The following RNF150 variants were observed in gnomAD, a reference collection of about 807,000 sequenced individuals.
RNF150 encodes ring finger protein 150.
Under a neutral mutation model 39.3 loss-of-function variants are expected in RNF150, and 24 were observed. The ratio of observed to expected loss-of-function variants is 0.61; its 90% CI spans 0.44 to 0.86. The LOEUF (loss-of-function observed/expected upper bound fraction) is 0.86. Ranked by LOEUF, RNF150 falls within the 40% of genes least tolerant of loss-of-function variation. The pLI, the probability that RNF150 is intolerant of heterozygous loss-of-function variation, is 0.00. For missense variants in RNF150, 502 were observed against 587.8 expected (o/e 0.85, Z 1.51); for synonymous variants, 255 against 227.3 (o/e 1.12, Z -1.10).
At position 141,085,073 on chromosome 4, in the gene RNF150, T is replaced by C. The variant is rs76750562; in HGVS notation, c.484+47252A>G. Among the ~76,000 whole-genome samples, 190 of 152,252 alleles carry C rather than the reference T, an allele frequency of 1.2e-3. 2 individuals carry two copies. In the East Asian group the frequency reaches 0.018, roughly 14 times the overall value. The stretch of plus-strand genomic sequence containing the variant: ...TGAAGAAATACCCGAGACTGGGTAA[T>C]TTATAAAGAAAAAGAGGTTTAATGG... On this transcript the variant is annotated intron_variant, in intron 1 of 6. Transcript: ENST00000515673.
intron 1 of RNF150, among the ~76,000 whole-genome samples, chr4:141,070,220 A>G (rs1164072673): frequency 1.3e-5 from 2 of 152,364 alleles, no homozygotes; most frequent in South Asian, 2.1e-4. Context: ...CACCTTATAC[A>G]AAAATCAATT....
At chr4:140,989,542 G>GA (rs1307435841) in intron 1 of RNF150, among the ~76,000 whole-genome samples, 2 of 152,102 alleles carry the variant, frequency 1.3e-5, no homozygotes, top group Non-Finnish European at 2.9e-5. Flanking sequence ...AAAACATTTA[G>GA]AAAGATAGAA....
chr4:141,081,618 G>T (rs1738151422), intron 1 of RNF150, among the ~76,000 whole-genome samples: 1 of 152,124 alleles, frequency 6.6e-6, no homozygotes, highest in Admixed American at 6.6e-5. Context: ...AAAAATATAG[G>T]CAAAGACAAA....
intron 2 of RNF150, among the ~76,000 whole-genome samples, chr4:140,960,195 T>C (rs1732965508): frequency 6.6e-6 from 1 of 152,178 alleles, no homozygotes; most frequent in Non-Finnish European, 1.5e-5. Context: ...GTGTCCTTGA[T>C]TCCTTTCTTT....
chr4:140,935,041 A>AT (rs1560975651), intron 4 of RNF150, among the ~76,000 whole-genome samples: 641 of 6,370 alleles, frequency 0.1, 12 homozygotes, highest in Middle Eastern at 0.18. Context: ...TAATATATAT[A>AT]TATAAATATA....
At chr4:141,187,257 G>A (rs527254201) in intron 1 of RNF150, among the ~76,000 whole-genome samples, 126 of 152,144 alleles carry the variant, frequency 8.3e-4, no homozygotes, top group African/African-American at 2.9e-3. Context: ...TACTGAGGAG[G>A]GTTTTACTTC....
intron 6 of RNF150, among the ~76,000 whole-genome samples, chr4:140,888,934 T>C (rs1034074299): frequency 6.6e-6 from 1 of 152,196 alleles, no homozygotes; most frequent in African/African-American, 2.4e-5. Context: ...TCCCATTCAC[T>C]TCATACGAAG....
chr4:141,037,712 G>C (rs1736197694), intron 1 of RNF150, among the ~76,000 whole-genome samples: 1 of 152,130 alleles, frequency 6.6e-6, no homozygotes, highest in East Asian at 1.9e-4. Flanking sequence ...ATTATCTCCA[G>C]CTGTAAGAGT....
At chr4:141,173,819 A>G (rs533166687) in intron 1 of RNF150, among the ~76,000 whole-genome samples, 8 of 152,344 alleles carry the variant, frequency 5.3e-5, no homozygotes, top group African/African-American at 1.9e-4. Context: ...AAAAATTTAA[A>G]CAATTTAGAA....
chr4:141,008,730 G>A (rs1339166025), intron 1 of RNF150, among the ~76,000 whole-genome samples: 1 of 152,032 alleles, frequency 6.6e-6, no homozygotes, highest in Non-Finnish European at 1.5e-5. Flanking sequence ...CTCTGATTCT[G>A]GATTCTTTGC....
chr4:141,152,694 G>A lies in RNF150; in HGVS notation c.-6+60100C>T, dbSNP rs182355544. On this transcript the variant is annotated intron_variant, in intron 1 of 7. Coordinates refer to the RNF150 transcript ENST00000420921. ...TTATCCTGCCCCAGAAGATGTTTGG[G>A]GTGTACTAACCACTTCTGGGGGATA... Among the ~76,000 whole-genome samples, 7 of 152,158 alleles carry A rather than the reference G, an allele frequency of 4.6e-5. No homozygotes were observed. In the East Asian group the frequency reaches 1.2e-3, roughly 25 times the overall value.
At chr4:141,188,596 T>C (rs1728053826) in intron 1 of RNF150, among the ~76,000 whole-genome samples, 1 of 152,192 alleles carries the variant, frequency 6.6e-6, no homozygotes, top group Non-Finnish European at 1.5e-5. Context: ...TTTCATTAAG[T>C]TGATCTTCGA....
chr4:141,176,743 C>T (rs773893852), intron 1 of RNF150, among the ~76,000 whole-genome samples: 1 of 152,126 alleles, frequency 6.6e-6, no homozygotes, highest in Non-Finnish European at 1.5e-5. Context: ...ATTGAACATG[C>T]TCATTTCTGC....
intron 1 of RNF150, among the ~76,000 whole-genome samples, chr4:141,056,516 C>A (rs1736978753): frequency 6.6e-6 from 1 of 152,082 alleles, no homozygotes; most frequent in Non-Finnish European, 1.5e-5. Flanking sequence ...CACTGACAGT[C>A]TTTGCTGGAT....
intron 1 of RNF150, among the ~76,000 whole-genome samples, chr4:141,070,871 C>G (rs1737668185): frequency 6.7e-6 from 1 of 149,708 alleles, no homozygotes; most frequent in African/African-American, 2.5e-5. Context: ...ACCCAGCCAT[C>G]CCATTACTGG....
At chr4:141,139,230 G>T (rs769003221) in intron 1 of RNF150, among the ~76,000 whole-genome samples, 2 of 152,144 alleles carry the variant, frequency 1.3e-5, no homozygotes, top group Non-Finnish European at 2.9e-5. Context: ...AAAAAATAAA[G>T]TAGGGTATTC....
At chr4:141,038,861 A>G (rs571348850) in intron 1 of RNF150, among the ~76,000 whole-genome samples, 1 of 152,160 alleles carries the variant, frequency 6.6e-6, no homozygotes, top group Non-Finnish European at 1.5e-5. Context: ...AGGCCCCCTA[A>G]TGCCAGAAGA....
At position 141,132,911 on chromosome 4, in the gene RNF150, C is replaced by T; in HGVS notation, c.-103G>A. ...CGGGCCGCTGCCTCTCCTCCTGCTGCTGCTCACTCCCGGGCCGGAGGGGCC... is the reference window on the plus strand; with the variant it reads ...CGGGCCGCTGCCTCTCCTCCTGCTGTTGCTCACTCCCGGGCCGGAGGGGCC... On this transcript the variant is annotated 5_prime_UTR_variant, in exon 1 of 7. Transcript: ENST00000515673. The surrounding 1 kb of genome is among the most constrained non-coding windows in gnomAD (Gnocchi z 4.9). 1 of 966,662 alleles carries T rather than the reference C, an allele frequency of 1.0e-6. No individual in the cohort carries two copies. The highest frequency in any genetic ancestry group is 1.7e-5 in the African/African-American group (1 of 59,040). The allele number at this position is 966,662 out of a possible 1,614,324, so 59.9% of individuals were successfully genotyped here.
At chr4:141,171,040 G>A (rs1283110101) in intron 1 of RNF150, among the ~76,000 whole-genome samples, 1 of 152,044 alleles carries the variant, frequency 6.6e-6, no homozygotes, top group African/African-American at 2.4e-5. Context: ...CAGACTTCTG[G>A]ACTAGAGAAG....
Sources: gnomAD v4.1 joint callset for allele counts (sites outside exome capture counted in the v4.1 genomes callset) on GRCh38, gnomAD v4.1.1 for gene constraint, Gnocchi (gnomAD v3.1) non-coding constraint, MANE v1.5 for transcripts, NCBI Gene and HGNC (gene_info 2026-07-23, HGNC 2026-07-21) for gene names.